Variants in REV3L observed in about 807,000 individuals in gnomAD.
The protein encoded by REV3L is REV3 like, DNA directed polymerase zeta catalytic subunit.
In REV3L, 69 loss-of-function variants were observed where a neutral mutation model predicts 299.4. The ratio of observed to expected loss-of-function variants is 0.23; its 90% confidence interval spans 0.19 to 0.28. REV3L has a LOEUF of 0.28. REV3L is among the 10% of genes least tolerant of loss of function. REV3L has a pLI of 1.00. For synonymous variants in REV3L, 1,238 were observed against 1,271.4 expected (o/e 0.97, Z 0.56); for missense variants, 3,128 against 3,693.8 (o/e 0.85, Z 3.97).
intron 1 of REV3L, among the ~76,000 whole-genome samples, chr6:111,480,784 G>A (rs1262206722): frequency 2.8e-5 from 4 of 141,676 alleles, no homozygotes; most frequent in Admixed American, 2.1e-4. Context: ...TTCAAAGTAT[G>A]TACCAAAAAA....
At chr6:111,380,408 C>A (rs1342232520) in intron 10 of REV3L, among the ~76,000 whole-genome samples, 189 bp from the exon 11 acceptor site, 1 of 152,044 alleles carries the variant, frequency 6.6e-6, no homozygotes, top group African/African-American at 2.4e-5. Flanking sequence ...TACAGGTGCC[C>A]GTCACCACAC....
intron 21 of REV3L, among the ~76,000 whole-genome samples, chr6:111,341,278 C>G (rs1361836722): frequency 6.6e-6 from 1 of 152,094 alleles, no homozygotes; most frequent in African/African-American, 2.4e-5. Context: ...GAACTCCTGA[C>G]CTCAGGTGAT....
intron 21 of REV3L, among the ~76,000 whole-genome samples, chr6:111,337,015 T>A (rs1207260082): frequency 6.8e-6 from 1 of 146,718 alleles, no homozygotes; most frequent in Non-Finnish European, 1.5e-5. Context: ...GGACTTAAGA[T>A]ATAAATCTAT....
At chr6:111,403,395 C>T (rs1783287192) in intron 4 of REV3L, among the ~76,000 whole-genome samples, 1 of 152,172 alleles carries the variant, frequency 6.6e-6, no homozygotes, top group Non-Finnish European at 1.5e-5. Flanking sequence ...AAAATTTTTA[C>T]ATATTGAACA....
intron 15 of REV3L, among the ~76,000 whole-genome samples, chr6:111,364,547 T>C (rs1346798908): frequency 6.6e-6 from 1 of 151,916 alleles, no homozygotes; most frequent in Non-Finnish European, 1.5e-5. Context: ...AACACACTGA[T>C]ATAGTATTTT....
chr6:111,342,416 C>T (rs1776594670), intron 21 of REV3L, among the ~76,000 whole-genome samples: 1 of 152,084 alleles, frequency 6.6e-6, no homozygotes, highest in Non-Finnish European at 1.5e-5. Context: ...TGCCTGTAAT[C>T]CCAGCACTTT....
intron 1 of REV3L, 94 bp downstream of exon 1, chr6:111,482,656 G>C: frequency 1.3e-6 from 1 of 768,830 alleles, no homozygotes; most frequent in Non-Finnish European, 1.6e-6. Flanking sequence ...GGAGACGGCC[G>C]GCGCCGGTGG....
At chr6:111,327,306 C>T (rs1562126984) in intron 25 of REV3L, among the ~76,000 whole-genome samples, 1 of 152,122 alleles carries the variant, frequency 6.6e-6, no homozygotes, top group Admixed American at 6.6e-5. Flanking sequence ...GTCGCTCACA[C>T]CTGTAATCCC....
intron 26 of REV3L, among the ~76,000 whole-genome samples, chr6:111,318,093 C>CT (rs531122236): frequency 0.1 from 14,978 of 145,386 alleles, 981 homozygotes; most frequent in Middle Eastern, 0.21. Flanking sequence ...TTTCTTTTTT[C>CT]TTTTTTTTTT....
Position 111,465,604 on chromosome 6 carries a change from G to A in REV3L, c.139+17146C>T, listed in dbSNP as rs185772769. Among the ~76,000 whole-genome samples the A allele has an allele frequency of 1.7e-4, 26 of 151,320 alleles. No homozygotes were observed. The East Asian group carries it at 4.8e-3, about 28-fold the overall frequency. Reference sequence around the variant, plus strand: ...CAAAGTTAGCTGGGCATGGTGGTACGCGCCTGTAATCTCAGTTACTCGGGA... The same window carrying A: ...CAAAGTTAGCTGGGCATGGTGGTACACGCCTGTAATCTCAGTTACTCGGGA... On this transcript the variant is annotated intron_variant, in intron 1 of 31. Coordinates refer to ENST00000368802, the MANE Select transcript of REV3L (RefSeq NM_001372078.1).
At position 111,376,772 on chromosome 6, in the gene REV3L, G is replaced by T; in HGVS notation, c.1598-15C>A. ...CAATGGATTGTCTGAAATGAGGAGG[G>T]AAAAACAGTTTATTTCATTTTACTC... is the stretch of plus-strand genomic sequence containing the variant. On this transcript the variant is annotated splice_polypyrimidine_tract_variant and intron_variant, in intron 12 of 31. Transcript: ENST00000368802. 1.3e-6 allele frequency: 2 copies of T among 1,509,496 alleles called. No individual in the cohort carries two copies. The highest frequency in any genetic ancestry group is 1.8e-6 in the Non-Finnish European group (2 of 1,138,396). The allele number at this position is 1,509,496 out of a possible 1,614,324, so 93.5% of individuals were successfully genotyped here. A position where few individuals can be genotyped will look rare whatever the true frequency, so the allele number is the denominator to read the frequency against.
intron 25 of REV3L, among the ~76,000 whole-genome samples, chr6:111,323,218 G>C (rs371004607): frequency 2.2e-4 from 34 of 152,296 alleles, no homozygotes; most frequent in Middle Eastern, 6.8e-3. Context: ...TTGAACTCCT[G>C]ATTTCGTGAT....
At chr6:111,417,871 C>T (rs1348560680) in intron 1 of REV3L, among the ~76,000 whole-genome samples, 1 of 152,180 alleles carries the variant, frequency 6.6e-6, no homozygotes, top group South Asian at 2.1e-4. Flanking sequence ...AACTGTCGTG[C>T]TTTTGAAAAA....
At chr6:111,322,494 C>G in intron 26 of REV3L, 75 bp downstream of exon 26, 1 of 1,100,986 alleles carries the variant, frequency 9.1e-7, no homozygotes, top group Non-Finnish European at 1.4e-6. Flanking sequence ...AAAAGATTCC[C>G]TTAAGCCATT....
chr6:111,453,137 G>A (rs938261909), intron 1 of REV3L, among the ~76,000 whole-genome samples: 3 of 152,056 alleles, frequency 2.0e-5, no homozygotes, highest in African/African-American at 7.2e-5. Context: ...GATTCTAAGG[G>A]TTACCTAAAT....
chr6:111,392,693 GGTTT>G (rs1443306254), intron 5 of REV3L, 179 bp downstream of exon 5: 18 of 462,952 alleles, frequency 3.9e-5, no homozygotes, highest in East Asian at 3.9e-4. Context: ...ACATTTTCAT[GGTTT>G]GTTTTTAAAA....
intron 21 of REV3L, among the ~76,000 whole-genome samples, chr6:111,338,242 A>G (rs957278843): frequency 1.6e-4 from 24 of 148,172 alleles, no homozygotes; most frequent in Admixed American, 5.4e-4. Context: ...TATGTTGACG[A>G]TAATTTGTTT....
chr6:111,332,753 AAAAT>A (rs1359385518), intron 23 of REV3L, among the ~76,000 whole-genome samples: 34 of 152,268 alleles, frequency 2.2e-4, no homozygotes, highest in African/African-American at 7.5e-4. Context: ...ATTTATAAGA[AAAAT>A]AAAGAGGAGG....
At chr6:111,333,680 T>TAA (rs1210743371) in intron 22 of REV3L, among the ~76,000 whole-genome samples, 7 of 152,070 alleles carry the variant, frequency 4.6e-5, no homozygotes, top group Admixed American at 4.6e-4. Context: ...TTCACCATGT[T>TAA]AGCCAGGCTG....
Sources: allele counts gnomAD v4.1 joint callset (sites outside exome capture counted in the v4.1 genomes callset), GRCh38; gene constraint gnomAD v4.1.1; transcripts MANE v1.5; gene names NCBI Gene and HGNC (gene_info 2026-07-23, HGNC 2026-07-21).